The following RANBP2 variants were observed in gnomAD, a reference collection of about 807,000 sequenced individuals.
The protein encoded by RANBP2 is E3 SUMO-protein ligase RanBP2.
A neutral mutation model predicts 303.6 loss-of-function variants in RANBP2; 57 were observed. The ratio of observed to expected loss-of-function variants is 0.19; its 90% confidence interval spans 0.15 to 0.23. The LOEUF (loss-of-function observed/expected upper bound fraction) is 0.23. RANBP2 is among the 10% of genes least tolerant of loss of function. The pLI is 1.00. For synonymous variants in RANBP2, 1,167 were observed against 1,301.5 expected, an observed-to-expected ratio of 0.90 and a Z score of 2.23; for missense variants, 3,138 against 3,780.8, an observed-to-expected ratio of 0.83 and a Z score of 4.46.
chr2:109,236,219 A>G, the RANBP2 span, among the ~76,000 whole-genome samples: 25 of 152,198 alleles, frequency 1.6e-4, no homozygotes, highest in African/African-American at 5.8e-4. Context: ...CCCAATTACA[A>G]TGTAATATAC....
chr2:109,498,799 G>A, the RANBP2 span, among the ~76,000 whole-genome samples: 1 of 152,202 alleles, frequency 6.6e-6, no homozygotes, highest in Non-Finnish European at 1.5e-5. Context: ...TGGGTAAACA[G>A]GTGAATGGCT....
At chr2:109,144,525 T>C in the RANBP2 span, among the ~76,000 whole-genome samples, 1 of 152,208 alleles carries the variant, frequency 6.6e-6, no homozygotes, top group East Asian at 1.9e-4. Context: ...GGGAAGAGTT[T>C]GAACGAGGTG....
At chr2:109,726,527 G>A in the RANBP2 span, among the ~76,000 whole-genome samples, 1 of 152,134 alleles carries the variant, frequency 6.6e-6, no homozygotes, top group Admixed American at 6.6e-5. Context: ...GGCAGGGTCC[G>A]TGTCGCAGAG....
At chr2:109,620,387 T>C in the RANBP2 span, among the ~76,000 whole-genome samples, 3 of 152,098 alleles carry the variant, frequency 2.0e-5, no homozygotes, top group South Asian at 4.1e-4. Context: ...ATTTAAGAGA[T>C]TTTCAAGAGT....
At chr2:109,167,264 G>T in the RANBP2 span, among the ~76,000 whole-genome samples, 24 of 152,184 alleles carry the variant, frequency 1.6e-4, 1 homozygote, top group Admixed American at 8.5e-4. Context: ...ACCAATTTAT[G>T]TAGCTGCTTG....
the RANBP2 span, chr2:109,129,200 G>C: frequency 2.0e-6 from 1 of 499,050 alleles, no homozygotes; most frequent in Admixed American, 2.8e-5. Context: ...GCCGCCGCTT[G>C]CAGCACAGAA....
chr2:109,030,532 C>T, the RANBP2 span, among the ~76,000 whole-genome samples: 6 of 152,242 alleles, frequency 3.9e-5, no homozygotes, highest in South Asian at 1.2e-3. Context: ...AAGAATGGGC[C>T]TCACTGTCTG....
chr2:108,803,269 G>A, the RANBP2 span, among the ~76,000 whole-genome samples: 3 of 152,266 alleles, frequency 2.0e-5, no homozygotes, highest in East Asian at 3.9e-4. Context: ...ATTTGTACAG[G>A]TTCGTAAACA....
chr2:109,060,697 C>T, the RANBP2 span, among the ~76,000 whole-genome samples: 5 of 152,174 alleles, frequency 3.3e-5, no homozygotes, highest in Non-Finnish European at 5.9e-5. Flanking sequence ...GGCCAAGGGC[C>T]GGACACCAGC....
chr2:109,327,929 A>G, the RANBP2 span, among the ~76,000 whole-genome samples: 8 of 152,200 alleles, frequency 5.3e-5, no homozygotes, highest in Admixed American at 3.9e-4. Flanking sequence ...AACATACACA[A>G]TCATGGAGGG....
downstream of RANBP2, chr2:108,786,740 A>C (rs1678816698): frequency 6.9e-6 from 9 of 1,299,642 alleles, no homozygotes; most frequent in Admixed American, 1.2e-4. Context: ...GGGGTCTGGC[A>C]CGTCGTGACG....
downstream of RANBP2, among the ~76,000 whole-genome samples, chr2:108,789,690 A>T (rs1330831451): frequency 1.3e-5 from 2 of 152,180 alleles, no homozygotes; most frequent in Non-Finnish European, 2.9e-5. Flanking sequence ...TATGCATTGT[A>T]TTTAGGTGAT....
chr2:108,779,213 G>C (rs891339681), intron 25 of RANBP2, among the ~76,000 whole-genome samples: 4 of 152,272 alleles, frequency 2.6e-5, no homozygotes, highest in Admixed American at 2.6e-4. Flanking sequence ...CCAGGCTGGA[G>C]TGCAGTGGCG....
intron 19 of RANBP2, among the ~76,000 whole-genome samples, chr2:108,762,560 G>A (rs1435898011): frequency 4.8e-5 from 5 of 105,246 alleles, no homozygotes; most frequent in African/African-American, 1.9e-4. Flanking sequence ...AGTGGTAGTT[G>A]AATGTGACAG....
chr2:109,066,133 T>C, the RANBP2 span, among the ~76,000 whole-genome samples: 1 of 150,884 alleles, frequency 6.6e-6, no homozygotes, highest in Non-Finnish European at 1.5e-5. Flanking sequence ...TTCTGAGACA[T>C]AGTATCGCTC....
chr2:108,966,052 A>G, the RANBP2 span, among the ~76,000 whole-genome samples: 3 of 152,294 alleles, frequency 2.0e-5, no homozygotes, highest in East Asian at 1.9e-4. Context: ...AAAACATTCA[A>G]TATCACCATA....
At chr2:109,603,243 AT>A in the RANBP2 span, among the ~76,000 whole-genome samples, 44 of 148,300 alleles carry the variant, frequency 3.0e-4, no homozygotes, top group East Asian at 9.8e-4. Context: ...TAATATTATT[AT>A]TTTTTTTTTT....
the RANBP2 span, among the ~76,000 whole-genome samples, chr2:108,840,363 G>C: frequency 6.6e-6 from 1 of 152,026 alleles, no homozygotes; most frequent in Non-Finnish European, 1.5e-5. Flanking sequence ...AATTGGGAAG[G>C]GTCTTATCCT....
At chr2:109,571,145 C>A in the RANBP2 span, among the ~76,000 whole-genome samples, 6 of 152,168 alleles carry the variant, frequency 3.9e-5, no homozygotes, top group Non-Finnish European at 7.3e-5. Context: ...TTCCCCTTCG[C>A]CTTCCGCCAT....
Sources: allele counts gnomAD v4.1 joint callset (sites outside exome capture counted in the v4.1 genomes callset), GRCh38; gene constraint gnomAD v4.1.1; transcripts MANE v1.5; gene names NCBI Gene and HGNC (gene_info 2026-07-23, HGNC 2026-07-21).